Variants in SAMD5 observed in about 807,000 individuals in gnomAD.
SAMD5 encodes sterile alpha motif domain-containing protein 5.
Under a neutral mutation model 11.3 loss-of-function variants are expected in SAMD5, and 13 were observed. The ratio of observed to expected loss-of-function variants is 1.15; its 90% CI spans 0.75 to 1.83. The LOEUF (loss-of-function observed/expected upper bound fraction) is 1.83, where lower values mean the gene tolerates loss of function less well. Ranked by LOEUF, SAMD5 falls within the 40% of genes most tolerant of loss-of-function variation. The probability of loss-of-function intolerance (pLI) is 0.00; values close to 1 mark genes in which losing one functional copy is unlikely to be tolerated. For missense variants in SAMD5, 255 were observed against 239.1 expected, an observed-to-expected ratio of 1.07 and a Z score of -0.44; for synonymous variants, 129 against 111.3, an observed-to-expected ratio of 1.16 and a Z score of -1.00.
At chr6:147,607,120 C>T (rs920335288) in intron 1 of SAMD5, among the ~76,000 whole-genome samples, 1 of 152,144 alleles carries the variant, frequency 6.6e-6, no homozygotes, top group Admixed American at 6.5e-5. Flanking sequence ...AAAATTCTTT[C>T]ATTTTTAGAA....
the SAMD5 span, among the ~76,000 whole-genome samples, chr6:147,896,738 C>CAAAAAAAAAAAAAAAAAAAAAAAA: frequency 1.6e-4 from 9 of 55,332 alleles, no homozygotes; most frequent in Middle Eastern, 0.012. Context: ...GAACATTAAC[C>CAAAAAAAAAAAAAAAAAAAAAAAA]AAAAAAAAAA....
At chr6:147,891,712 T>C in the SAMD5 span, among the ~76,000 whole-genome samples, 2 of 152,154 alleles carry the variant, frequency 1.3e-5, no homozygotes, top group Non-Finnish European at 2.9e-5. Flanking sequence ...ATTTAAGCTT[T>C]CTCCCCAGAT....
chr6:147,654,832 C>T (rs1010886954), intron 1 of SAMD5, among the ~76,000 whole-genome samples: 6 of 151,642 alleles, frequency 4.0e-5, no homozygotes, highest in African/African-American at 1.5e-4. Context: ...ACCTTCCCAA[C>T]AATTAGAATT....
Position 147,713,939 on chromosome 6 carries a change from A to G in SAMD5, c.163-23378A>G, listed in dbSNP as rs1442761021. Among the ~76,000 whole-genome samples, 3 of 151,920 alleles carry G rather than the reference A, an allele frequency of 2.0e-5. No homozygotes were observed. In the East Asian group the frequency reaches 5.8e-4, roughly 29 times the overall value. ...TCCTATAAATTATGAAGAAATATGT[A>G]TTGAGATGTGTTTTTAGAACTTCTT... On this transcript the variant is annotated intron_variant, in intron 1 of 1. Coordinates refer to the SAMD5 transcript ENST00000566741.
At chr6:147,662,088 C>T (rs1268127257) in intron 1 of SAMD5, among the ~76,000 whole-genome samples, 1 of 152,186 alleles carries the variant, frequency 6.6e-6, no homozygotes, top group African/African-American at 2.4e-5. Flanking sequence ...GCCCCGATGA[C>T]CCACATGCTA....
chr6:147,834,290 G>A, the SAMD5 span, among the ~76,000 whole-genome samples: 12 of 152,098 alleles, frequency 7.9e-5, no homozygotes, highest in Admixed American at 5.9e-4. Context: ...TTTTGCTGAC[G>A]TAAGAGGAGA....
intron 1 of SAMD5, among the ~76,000 whole-genome samples, chr6:147,605,369 C>A (rs1789684311): frequency 6.6e-6 from 1 of 152,158 alleles, no homozygotes; most frequent in South Asian, 2.1e-4. Flanking sequence ...CTCACCTTGG[C>A]CTCCCAAAAC....
At chr6:147,691,694 A>G (rs1021166914) in intron 1 of SAMD5, among the ~76,000 whole-genome samples, 2 of 152,156 alleles carry the variant, frequency 1.3e-5, no homozygotes, top group Non-Finnish European at 2.9e-5. Context: ...TTGATAGTGT[A>G]TATCTCAATC....
chr6:147,511,542 T>A (rs1030705056), intron 1 of SAMD5, among the ~76,000 whole-genome samples: 3 of 152,196 alleles, frequency 2.0e-5, no homozygotes, highest in African/African-American at 7.2e-5. Context: ...TCTATACATA[T>A]TTAATTCTCC....
the SAMD5 span, among the ~76,000 whole-genome samples, chr6:147,934,652 G>A: frequency 6.6e-6 from 1 of 152,090 alleles, no homozygotes; most frequent in African/African-American, 2.4e-5. Flanking sequence ...GAAAGTGAGA[G>A]AGGATTGAGA....
intron 1 of SAMD5, among the ~76,000 whole-genome samples, chr6:147,527,636 C>T (rs1788363578): frequency 6.6e-6 from 1 of 152,046 alleles, no homozygotes; most frequent in Admixed American, 6.5e-5. Flanking sequence ...TCATGTCTTC[C>T]CAACAGTTCC....
At chr6:147,790,785 TCTCTCTCTCTCTCTCTCTCTCTC>T in the SAMD5 span, among the ~76,000 whole-genome samples, 3 of 112,530 alleles carry the variant, frequency 2.7e-5, no homozygotes, top group Admixed American at 9.3e-5. Flanking sequence ...TCTCTCTCTC[TCTCTCTCTCTCTCTCTCTCTCTC>T]TCTCTCTCTC....
chr6:147,616,188 T>TTCATATATATTTATTCATATATAC (rs1583107847), intron 1 of SAMD5, among the ~76,000 whole-genome samples: 1 of 109,080 alleles, frequency 9.2e-6, no homozygotes, highest in South Asian at 2.8e-4. Flanking sequence ...TTCATATATA[T>TTCATATATATTTATTCATATATAC]TTCATATATA....
the SAMD5 span, among the ~76,000 whole-genome samples, chr6:147,926,051 T>C: frequency 1.3e-5 from 2 of 152,230 alleles, no homozygotes; most frequent in Non-Finnish European, 2.9e-5. Context: ...TATTCCATGG[T>C]ATATATGTAC....
intron 1 of SAMD5, among the ~76,000 whole-genome samples, chr6:147,542,077 C>CCATGGGGCTACAGACAGATACCCTGT: frequency 6.6e-6 from 1 of 152,324 alleles, no homozygotes; most frequent in African/African-American, 2.4e-5. Context: ...AAGACACCCA[C>CCATGGGGCTACAGACAGATACCCTGT]CATGGGGCTA....
the SAMD5 span, among the ~76,000 whole-genome samples, chr6:147,954,254 T>C: frequency 6.6e-6 from 1 of 152,214 alleles, no homozygotes; most frequent in Non-Finnish European, 1.5e-5. Context: ...TCTATACTCC[T>C]GCAATTCTGA....
intron 1 of SAMD5, among the ~76,000 whole-genome samples, chr6:147,723,611 G>A (rs1389374774): frequency 6.6e-6 from 1 of 151,496 alleles, no homozygotes; most frequent in African/African-American, 2.5e-5. Context: ...AGGTGTGTGT[G>A]AATCCTCCTC....
the SAMD5 span, among the ~76,000 whole-genome samples, chr6:147,925,247 T>G: frequency 6.6e-6 from 1 of 152,286 alleles, no homozygotes; most frequent in Non-Finnish European, 1.5e-5. Context: ...TCTCTGTGTC[T>G]TCACCATGTG....
intron 1 of SAMD5, among the ~76,000 whole-genome samples, chr6:147,622,781 A>T (rs1413365039): frequency 8.5e-5 from 13 of 152,224 alleles, no homozygotes; most frequent in Admixed American, 7.2e-4. Context: ...TACCCAAGAC[A>T]GGGTAATTTA....
Sources: gnomAD v4.1 joint callset for allele counts (sites outside exome capture counted in the v4.1 genomes callset) on GRCh38, gnomAD v4.1.1 for gene constraint, MANE v1.5 for transcripts, NCBI Gene and HGNC (gene_info 2026-07-23, HGNC 2026-07-21) for gene names.